Variants in ARHGAP10 observed in about 807,000 individuals in gnomAD.
ARHGAP10 encodes Rho GTPase activating protein 10.
Under a neutral mutation model 108.6 loss-of-function variants are expected in ARHGAP10, and 87 were observed. The ratio of observed to expected loss-of-function variants is 0.80; its 90% CI spans 0.67 to 0.96. The LOEUF is 0.96. ARHGAP10 is among the 40% of genes least tolerant of loss of function. ARHGAP10 has a pLI of 0.00. For missense variants in ARHGAP10, 939 were observed against 954.5 expected, an observed-to-expected ratio of 0.98 and a Z score of 0.21; for synonymous variants, 347 against 341.1, an observed-to-expected ratio of 1.02 and a Z score of -0.19.
At chr4:147,904,745 C>G (rs1297516447) in intron 10 of ARHGAP10, among the ~76,000 whole-genome samples, 11 of 152,098 alleles carry the variant, frequency 7.2e-5, no homozygotes, top group Admixed American at 7.2e-4. Context: ...GGGTATATAC[C>G]CAGTAATGGG....
intron 1 of ARHGAP10, among the ~76,000 whole-genome samples, chr4:147,772,522 G>C (rs145071301): frequency 6.6e-6 from 1 of 152,246 alleles, no homozygotes; most frequent in Admixed American, 6.5e-5. Context: ...GCTCAGACTT[G>C]TACCACAGGC....
intron 21 of ARHGAP10, among the ~76,000 whole-genome samples, chr4:148,063,902 G>A (rs1400513433): frequency 6.6e-6 from 1 of 152,204 alleles, no homozygotes; most frequent in Non-Finnish European, 1.5e-5. Flanking sequence ...TTCTTGGGGC[G>A]GAGGCAGGGT....
At chr4:147,736,909 C>T (rs1226798758) in intron 1 of ARHGAP10, among the ~76,000 whole-genome samples, 7 of 152,120 alleles carry the variant, frequency 4.6e-5, no homozygotes, top group South Asian at 4.1e-4. Flanking sequence ...TCATAGGAGA[C>T]GCGAAGAAGG....
chr4:147,796,939 C>T (rs1731341587), intron 1 of ARHGAP10, among the ~76,000 whole-genome samples: 1 of 152,158 alleles, frequency 6.6e-6, no homozygotes, highest in Non-Finnish European at 1.5e-5. Flanking sequence ...TCCACGGAGG[C>T]TTGTTGATTT....
chr4:147,809,928 G>C (rs1477129765), intron 1 of ARHGAP10, among the ~76,000 whole-genome samples: 1 of 152,154 alleles, frequency 6.6e-6, no homozygotes, highest in Non-Finnish European at 1.5e-5. Context: ...TTTTCCAAAA[G>C]ATACCTAACT....
At chr4:147,756,898 A>G (rs1403557655) in intron 1 of ARHGAP10, among the ~76,000 whole-genome samples, 1 of 145,806 alleles carries the variant, frequency 6.9e-6, no homozygotes, top group African/African-American at 2.6e-5. Context: ...TTTTTTTTTC[A>G]TCAGATTATA....
At chr4:147,960,961 A>T (rs1332563496) in intron 16 of ARHGAP10, among the ~76,000 whole-genome samples, 1 of 152,164 alleles carries the variant, frequency 6.6e-6, no homozygotes, top group African/African-American at 2.4e-5. Flanking sequence ...CTGTTAATGG[A>T]CATTTGGGTT....
At chr4:147,803,629 T>A (rs1731666342) in intron 1 of ARHGAP10, among the ~76,000 whole-genome samples, 1 of 152,232 alleles carries the variant, frequency 6.6e-6, no homozygotes, top group South Asian at 2.1e-4. Flanking sequence ...TTCTTCTCTC[T>A]ACCTCCATGA....
intron 5 of ARHGAP10, 134 bp downstream of exon 5, chr4:147,857,788 A>T (rs901213874): frequency 3.9e-6 from 3 of 769,224 alleles, no homozygotes; most frequent in Non-Finnish European, 5.3e-6. Context: ...AGGTATTGTC[A>T]TAAATTAAGA....
chr4:147,937,600 C>T (rs1326786797), intron 13 of ARHGAP10, among the ~76,000 whole-genome samples: 2 of 152,216 alleles, frequency 1.3e-5, no homozygotes, highest in East Asian at 3.8e-4. Flanking sequence ...TATACACACA[C>T]ATGCACATGT....
chr4:147,817,413 A>C (rs942553690), intron 1 of ARHGAP10, among the ~76,000 whole-genome samples: 1 of 152,200 alleles, frequency 6.6e-6, no homozygotes, highest in African/African-American at 2.4e-5. Flanking sequence ...TTAACTAAAA[A>C]TTGTTGATAA....
intron 18 of ARHGAP10, among the ~76,000 whole-genome samples, chr4:148,013,281 G>A (rs1268448796): frequency 6.6e-6 from 1 of 152,156 alleles, no homozygotes; most frequent in Non-Finnish European, 1.5e-5. Context: ...CTGTAAACGT[G>A]TACTTGGAAA....
In ARHGAP10 at chr4:147,899,422, T is replaced by G. The variant is rs539437982; in HGVS notation, c.1035-7216T>G. On this transcript the variant is annotated intron_variant, in intron 10 of 22. Coordinates refer to ENST00000336498, the MANE Select transcript of ARHGAP10 (RefSeq NM_024605.4). ...TCTTTGGATTTTCATTCATTAGGTC[T>G]TTTTTACATCTTTGCTCTTAAATGA... Among the ~76,000 whole-genome samples the G allele has an allele frequency of 4.6e-5, 7 of 152,176 alleles. No individual in the cohort carries two copies. The South Asian group carries it at 8.3e-4, about 18-fold the overall frequency.
intron 3 of ARHGAP10, among the ~76,000 whole-genome samples, chr4:147,840,150 C>G (rs1361684000): frequency 6.6e-6 from 1 of 152,020 alleles, no homozygotes; most frequent in Non-Finnish European, 1.5e-5. Flanking sequence ...CATCTAGTCT[C>G]TGCTTGGTTA....
At chr4:147,877,561 T>C (rs1407309835) in intron 8 of ARHGAP10, among the ~76,000 whole-genome samples, 1 of 152,232 alleles carries the variant, frequency 6.6e-6, no homozygotes, top group Non-Finnish European at 1.5e-5. Flanking sequence ...TGTTAATTGC[T>C]TTTTTAAAAG....
intron 1 of ARHGAP10, among the ~76,000 whole-genome samples, chr4:147,755,198 TTTG>T (rs774011012): frequency 3.9e-5 from 6 of 152,210 alleles, no homozygotes; most frequent in East Asian, 1.9e-4. Context: ...ATTTGAAGTT[TTTG>T]TTATTTTAAG....
intron 10 of ARHGAP10, among the ~76,000 whole-genome samples, chr4:147,888,908 C>G (rs1398443677): frequency 1.3e-5 from 2 of 152,186 alleles, no homozygotes; most frequent in African/African-American, 2.4e-5. Context: ...CTCTTGTCTA[C>G]TCTCCTGATT....
chr4:148,025,049 C>A (rs1741714367), intron 19 of ARHGAP10, among the ~76,000 whole-genome samples: 1 of 152,148 alleles, frequency 6.6e-6, no homozygotes, highest in African/African-American at 2.4e-5. Context: ...ATCGTAATAT[C>A]CAGTCAAATT....
chr4:148,025,985 G>T (rs1010811499), intron 19 of ARHGAP10, among the ~76,000 whole-genome samples: 4 of 152,042 alleles, frequency 2.6e-5, no homozygotes, highest in Non-Finnish European at 5.9e-5. Flanking sequence ...CCCCCGCCCC[G>T]TGACTCATTG....
Sources: gnomAD v4.1 joint callset for allele counts (sites outside exome capture counted in the v4.1 genomes callset) on GRCh38, gnomAD v4.1.1 for gene constraint, MANE v1.5 for transcripts, NCBI Gene and HGNC (gene_info 2026-07-23, HGNC 2026-07-21) for gene names.